RABGAP1L: variants seen among roughly 807,000 people sequenced by gnomAD.
The protein encoded by RABGAP1L is rab GTPase-activating protein 1-like.
In RABGAP1L, 63 loss-of-function variants were observed where a neutral mutation model predicts 137.7. The ratio of observed to expected loss-of-function variants is 0.46; its 90% confidence interval spans 0.37 to 0.56. The LOEUF (loss-of-function observed/expected upper bound fraction) is 0.56. Among genes scored for constraint, RABGAP1L ranks in the 20% least tolerant of loss-of-function variants. RABGAP1L has a pLI of 0.00. For synonymous variants in RABGAP1L, 431 were observed against 433.7 expected (o/e 0.99, Z 0.08); for missense variants, 1,095 against 1,244.0 (o/e 0.88, Z 1.80).
At chr1:174,318,626 T>TTCTTTCTTTCTTTC (rs1156330378) in intron 11 of RABGAP1L, among the ~76,000 whole-genome samples, 1 of 148,904 alleles carries the variant, frequency 6.7e-6, no homozygotes, top group East Asian at 2.0e-4. Context: ...CTTTCTTTCT[T>TTCTTTCTTTCTTTC]TCTTTCTTTT....
intron 1 of RABGAP1L, among the ~76,000 whole-genome samples, chr1:174,180,412 T>G (rs1220912512): frequency 6.6e-6 from 1 of 152,220 alleles, no homozygotes; most frequent in Non-Finnish European, 1.5e-5. Flanking sequence ...ATTGGAAACT[T>G]GCTATTTCCT....
At chr1:174,523,583 G>C (rs57132183) in intron 13 of RABGAP1L, among the ~76,000 whole-genome samples, 12,077 of 152,152 alleles carry the variant, frequency 0.079, 669 homozygotes, top group East Asian at 0.32. Flanking sequence ...ATCAAGTCAG[G>C]ATATTTAGGG....
intron 11 of RABGAP1L, among the ~76,000 whole-genome samples, chr1:174,345,556 TCTTGA>T (rs1682358127): frequency 6.6e-6 from 1 of 152,112 alleles, no homozygotes; most frequent in African/African-American, 2.4e-5. Flanking sequence ...GATTGTTTGC[TCTTGA>T]CTTACAGAAA....
chr1:174,716,047 A>G (rs907914220), intron 17 of RABGAP1L, among the ~76,000 whole-genome samples: 7 of 152,250 alleles, frequency 4.6e-5, no homozygotes, highest in Admixed American at 4.6e-4. Context: ...TATGCTTTAC[A>G]TCATCTCTAG....
intron 13 of RABGAP1L, among the ~76,000 whole-genome samples, chr1:174,611,718 C>A (rs1236636045): frequency 6.6e-6 from 1 of 151,800 alleles, no homozygotes; most frequent in African/African-American, 2.4e-5. Context: ...TGTTTGTATC[C>A]TCTTTTATTT....
At chr1:174,371,981 G>A (rs1299513535) in intron 12 of RABGAP1L, among the ~76,000 whole-genome samples, 1 of 152,114 alleles carries the variant, frequency 6.6e-6, no homozygotes, top group East Asian at 1.9e-4. Context: ...AAAATCTGGA[G>A]ATTAGGTTTA....
intron 13 of RABGAP1L, among the ~76,000 whole-genome samples, chr1:174,447,054 C>T (rs368340046): frequency 6.6e-6 from 1 of 151,876 alleles, no homozygotes; most frequent in Non-Finnish European, 1.5e-5. Flanking sequence ...TTATCATGCT[C>T]CATTATAAGG....
intron 19 of RABGAP1L, among the ~76,000 whole-genome samples, chr1:174,822,599 G>C (rs948978937): frequency 1.3e-5 from 2 of 152,194 alleles, no homozygotes; most frequent in Admixed American, 6.6e-5. Flanking sequence ...CATGGTGGAG[G>C]GGGAGGGCAT....
chr1:174,544,063 G>A (rs1209468508), intron 13 of RABGAP1L, among the ~76,000 whole-genome samples: 12 of 152,070 alleles, frequency 7.9e-5, no homozygotes, highest in South Asian at 2.1e-4. Flanking sequence ...GAATCTGACA[G>A]TTATGTGTCT....
At chr1:174,279,823 CCTT>C (rs1675337804) in intron 10 of RABGAP1L, among the ~76,000 whole-genome samples, 1 of 151,948 alleles carries the variant, frequency 6.6e-6, no homozygotes, top group African/African-American at 2.4e-5. Context: ...TCCTCCCCAT[CCTT>C]CTTTTTTAAA....
intron 13 of RABGAP1L, among the ~76,000 whole-genome samples, chr1:174,614,047 T>A (rs561902744): frequency 2.0e-5 from 3 of 152,016 alleles, no homozygotes; most frequent in Non-Finnish European, 4.4e-5. Context: ...GGAGCATTTA[T>A]TCCATTTACA....
At chr1:174,901,517 T>C (rs1412033367) in intron 19 of RABGAP1L, among the ~76,000 whole-genome samples, 1 of 152,124 alleles carries the variant, frequency 6.6e-6, no homozygotes, top group African/African-American at 2.4e-5. Flanking sequence ...GATTCAGTTA[T>C]CTCCACCTGA....
chr1:174,743,432 C>G (rs1683613070), intron 17 of RABGAP1L, among the ~76,000 whole-genome samples: 1 of 152,154 alleles, frequency 6.6e-6, no homozygotes, highest in Non-Finnish European at 1.5e-5. Context: ...AAAAAACTAT[C>G]TATTGAACTA....
intron 11 of RABGAP1L, among the ~76,000 whole-genome samples, chr1:174,362,355 A>T (rs919725835): frequency 2.0e-5 from 3 of 152,238 alleles, no homozygotes; most frequent in African/African-American, 7.2e-5. Context: ...AGGAATCGCC[A>T]CACTGTCTTC....
intron 19 of RABGAP1L, among the ~76,000 whole-genome samples, chr1:174,937,626 A>ATATATATATATATATG (rs1016236065): frequency 7.4e-6 from 1 of 134,960 alleles, no homozygotes; most frequent in African/African-American, 3.2e-5. Context: ...TTAAATATAT[A>ATATATATATATATATG]TATATATATC....
chr1:174,722,292 G>A (rs2148594169), intron 17 of RABGAP1L, among the ~76,000 whole-genome samples: 1 of 152,194 alleles, frequency 6.6e-6, no homozygotes, highest in Non-Finnish European at 1.5e-5. Flanking sequence ...TTTCTTTAAC[G>A]ATAAAAATAG....
intron 16 of RABGAP1L, among the ~76,000 whole-genome samples, 199 bp from the exon 17 acceptor site, chr1:174,701,914 T>C (rs889908108): frequency 6.6e-6 from 1 of 152,116 alleles, no homozygotes; most frequent in Non-Finnish European, 1.5e-5. Context: ...TAAGTCTGTT[T>C]TTATTTTCCT....
chr1:174,297,584 G>A (rs1333483886), intron 10 of RABGAP1L, among the ~76,000 whole-genome samples: 1 of 152,262 alleles, frequency 6.6e-6, no homozygotes, highest in East Asian at 1.9e-4. Flanking sequence ...ACTGCTGTTA[G>A]ATTAAGGATA....
intron 10 of RABGAP1L, among the ~76,000 whole-genome samples, chr1:174,288,446 T>A (rs1037988123): frequency 2.6e-5 from 4 of 152,310 alleles, no homozygotes; most frequent in Admixed American, 2.6e-4. Flanking sequence ...TTTCTCTCTT[T>A]CATTTCTGCT....
Sources: allele counts gnomAD v4.1 joint callset (sites outside exome capture counted in the v4.1 genomes callset), GRCh38; gene constraint gnomAD v4.1.1; transcripts MANE v1.5; gene names NCBI Gene and HGNC (gene_info 2026-07-23, HGNC 2026-07-21).